Variants in CNTNAP2 observed in about 807,000 individuals in gnomAD.
CNTNAP2 encodes contactin-associated protein-like 2.
In CNTNAP2, 98 loss-of-function variants were observed where a neutral mutation model predicts 155.2. The ratio of observed to expected loss-of-function variants is 0.63; its 90% CI spans 0.54 to 0.75. The LOEUF (loss-of-function observed/expected upper bound fraction) is 0.75. CNTNAP2 is among the 30% of genes least tolerant of loss of function. The probability of loss-of-function intolerance (pLI) is 0.00; values close to 1 mark genes in which losing one functional copy is unlikely to be tolerated. For missense variants in CNTNAP2, 1,727 were observed against 1,688.1 expected (o/e 1.02, Z -0.40); for synonymous variants, 651 against 631.2 (o/e 1.03, Z -0.47).
intron 1 of CNTNAP2, among the ~76,000 whole-genome samples, chr7:146,356,127 C>A (rs1794994549): frequency 1.3e-5 from 2 of 151,682 alleles, no homozygotes; most frequent in African/African-American, 4.8e-5. Context: ...CAGAGTTCTG[C>A]AAACTCAAAT....
intron 1 of CNTNAP2, among the ~76,000 whole-genome samples, chr7:146,440,537 T>C (rs2129119311): frequency 6.6e-6 from 1 of 151,678 alleles, no homozygotes; most frequent in South Asian, 2.1e-4. Context: ...AAAGAGAAGA[T>C]GTGAAAATTT....
intron 12 of CNTNAP2, among the ~76,000 whole-genome samples, chr7:147,599,283 C>T (rs1000985098): frequency 1.3e-5 from 2 of 151,134 alleles, no homozygotes; most frequent in Admixed American, 6.6e-5. Context: ...TCGTGACCAG[C>T]GTGACCAACA....
At chr7:147,811,445 A>G (rs1265989685) in intron 13 of CNTNAP2, among the ~76,000 whole-genome samples, 1 of 152,068 alleles carries the variant, frequency 6.6e-6, no homozygotes, top group Admixed American at 6.5e-5. Flanking sequence ...TCACCAAATC[A>G]TGGCTTTCAG....
intron 17 of CNTNAP2, among the ~76,000 whole-genome samples, chr7:148,156,689 T>A (rs1164715631): frequency 2.0e-5 from 3 of 152,174 alleles, no homozygotes. Context: ...AACTTAGATA[T>A]TAAATGGGCA....
At chr7:148,260,998 A>G (rs1379699231) in intron 20 of CNTNAP2, among the ~76,000 whole-genome samples, 1 of 152,204 alleles carries the variant, frequency 6.6e-6, no homozygotes, top group Non-Finnish European at 1.5e-5. Flanking sequence ...TTAACTGTCA[A>G]AACACTTTTT....
intron 11 of CNTNAP2, among the ~76,000 whole-genome samples, chr7:147,506,003 A>C (rs750977303): frequency 6.6e-6 from 1 of 152,166 alleles, no homozygotes; most frequent in Non-Finnish European, 1.5e-5. Flanking sequence ...ATTACAGCAG[A>C]CTGGGGTGAA....
chr7:147,194,398 G>A (rs1404037346), intron 8 of CNTNAP2, among the ~76,000 whole-genome samples: 1 of 152,068 alleles, frequency 6.6e-6, no homozygotes. Context: ...ATATACGTGG[G>A]CATGTGTCTT....
intron 15 of CNTNAP2, among the ~76,000 whole-genome samples, chr7:148,052,789 T>G (rs1193365326): frequency 1.3e-5 from 2 of 152,232 alleles, no homozygotes; most frequent in Non-Finnish European, 2.9e-5. Flanking sequence ...GGCTCACGCC[T>G]ATAACCCAGC....
chr7:146,671,257 C>T (rs1484656324), intron 1 of CNTNAP2, among the ~76,000 whole-genome samples: 2 of 152,184 alleles, frequency 1.3e-5, no homozygotes, highest in Non-Finnish European at 2.9e-5. Flanking sequence ...TCCCAAGACC[C>T]ATCACCTGTG....
In CNTNAP2 at chr7:147,639,206, C is replaced by G. The variant is rs759797092; in HGVS notation, c.1998C>G (p.Ser666Arg). Reference protein sequence around the residue: ...EKYSVTQLVYSASMDQISAIT... With the variant: ...EKYSVTQLVYRASMDQISAIT... ...ACTCAGTGACACAGCTCGTTTACAG[C>G]GCCTCCATGGACCAGATAAGTGCCA... The change falls in exon 13 of 24, where the codon AGC becomes AGG. Residue 666 changes from serine to arginine, a missense_variant. Ser to Arg is a moderately radical substitution (Grantham distance 110). Transcript: ENST00000361727. 6.2e-7 allele frequency: 1 copy of G among 1,614,110 alleles called. No individual in the cohort carries two copies. The highest frequency in any genetic ancestry group is 1.1e-5 in the South Asian group (1 of 91,086).
intron 15 of CNTNAP2, among the ~76,000 whole-genome samples, chr7:148,099,690 G>A (rs1804054180): frequency 6.6e-6 from 1 of 151,792 alleles, no homozygotes; most frequent in Non-Finnish European, 1.5e-5. Flanking sequence ...TAATGAAAAG[G>A]GTCTAACTTC....
At chr7:147,381,433 T>C (rs1363954495) in intron 9 of CNTNAP2, among the ~76,000 whole-genome samples, 3 of 152,210 alleles carry the variant, frequency 2.0e-5, no homozygotes, top group Non-Finnish European at 4.4e-5. Flanking sequence ...GTTATGACTG[T>C]ATCTGCCGAT....
At chr7:146,613,769 G>C (rs1317978806) in intron 1 of CNTNAP2, among the ~76,000 whole-genome samples, 1 of 151,980 alleles carries the variant, frequency 6.6e-6, no homozygotes, top group Non-Finnish European at 1.5e-5. Flanking sequence ...TACCATATTG[G>C]ACACCGTGGG....
chr7:147,697,391 C>T (rs989976065), intron 13 of CNTNAP2, among the ~76,000 whole-genome samples: 3 of 152,008 alleles, frequency 2.0e-5, no homozygotes, highest in East Asian at 3.9e-4. Context: ...GATGCTAATT[C>T]GATCGATCTC....
chr7:147,460,012 G>A (rs1011697168), intron 10 of CNTNAP2, among the ~76,000 whole-genome samples: 10 of 151,978 alleles, frequency 6.6e-5, no homozygotes, highest in South Asian at 2.1e-4. Flanking sequence ...GGCTAGGGGC[G>A]GAATAGCATT....
chr7:146,379,034 TCTC>T (rs1388483099), intron 1 of CNTNAP2, among the ~76,000 whole-genome samples: 1 of 152,244 alleles, frequency 6.6e-6, no homozygotes, highest in Non-Finnish European at 1.5e-5. Flanking sequence ...GTTCTGGTCT[TCTC>T]TGGCTCTCCT....
At chr7:147,018,746 C>G (rs958968252) in intron 3 of CNTNAP2, among the ~76,000 whole-genome samples, 5 of 151,978 alleles carry the variant, frequency 3.3e-5, no homozygotes, top group Admixed American at 1.3e-4. Context: ...GATAACCAGG[C>G]ACTAAGGAGA....
intron 20 of CNTNAP2, among the ~76,000 whole-genome samples, chr7:148,238,609 T>A (rs1239400648): frequency 6.6e-6 from 1 of 152,192 alleles, no homozygotes; most frequent in Non-Finnish European, 1.5e-5. Context: ...TTTATAGCGT[T>A]TCGTAGGGGG....
intron 9 of CNTNAP2, among the ~76,000 whole-genome samples, chr7:147,368,014 C>G (rs1418829074): frequency 7.1e-5 from 3 of 42,260 alleles, no homozygotes; most frequent in Non-Finnish European, 1.3e-4. Flanking sequence ...CTCTCTCTCT[C>G]CCCCCCCTCC....
Sources: gnomAD v4.1 joint callset for allele counts (sites outside exome capture counted in the v4.1 genomes callset) on GRCh38, gnomAD v4.1.1 for gene constraint, MANE v1.5 for transcripts, NCBI Gene and HGNC (gene_info 2026-07-23, HGNC 2026-07-21) for gene names.